The following CCDC181 variants were observed in gnomAD, a reference collection of about 807,000 sequenced individuals.
CCDC181 encodes the protein coiled-coil domain containing 181.
CCDC181 carries 35 observed loss-of-function variants against 58.7 expected under a neutral mutation model. That is an observed-to-expected ratio of 0.60 (90% CI 0.46 to 0.79). CCDC181 has a LOEUF of 0.79. Among genes scored for constraint, CCDC181 ranks in the 30% least tolerant of loss-of-function variants. The probability of loss-of-function intolerance (pLI) is 0.00; values close to 1 mark genes in which losing one functional copy is unlikely to be tolerated. For missense variants in CCDC181, 517 were observed against 583.9 expected, an observed-to-expected ratio of 0.89 and a Z score of 1.18; for synonymous variants, 183 against 197.5, an observed-to-expected ratio of 0.93 and a Z score of 0.62.
intron 2 of CCDC181, among the ~76,000 whole-genome samples, chr1:169,450,030 T>G (rs574752961): frequency 2.6e-5 from 4 of 152,296 alleles, no homozygotes; most frequent in Non-Finnish European, 5.9e-5. Context: ...CCGATTGATA[T>G]GGGGGTGAAG....
At chr1:169,445,340 T>C (rs1026461323) in intron 2 of CCDC181, among the ~76,000 whole-genome samples, 2 of 151,946 alleles carry the variant, frequency 1.3e-5, no homozygotes, top group African/African-American at 4.8e-5. Flanking sequence ...CTGAGAGATT[T>C]TGTCATGAAT....
chr1:169,420,382 C>A (rs552674120), intron 3 of CCDC181, among the ~76,000 whole-genome samples: 1 of 146,820 alleles, frequency 6.8e-6, no homozygotes, highest in Non-Finnish European at 1.5e-5. Context: ...CACGTTCTTA[C>A]GAAGTCATGT....
intron 4 of CCDC181, among the ~76,000 whole-genome samples, chr1:169,408,338 C>A (rs1313650806): frequency 6.6e-6 from 1 of 152,224 alleles, no homozygotes; most frequent in Non-Finnish European, 1.5e-5. Flanking sequence ...GCCAGACTGC[C>A]TCTCTAGATT....
chr1:169,413,261 T>C (rs1203050305), intron 4 of CCDC181, among the ~76,000 whole-genome samples: 1 of 152,118 alleles, frequency 6.6e-6, no homozygotes, highest in African/African-American at 2.4e-5. Flanking sequence ...AATAGACATA[T>C]GAAAGAAAGG....
intron 2 of CCDC181, among the ~76,000 whole-genome samples, chr1:169,453,956 TG>T (rs1367518905): frequency 6.6e-6 from 1 of 152,160 alleles, no homozygotes; most frequent in Admixed American, 6.5e-5. Context: ...CACCAGATAC[TG>T]CCATCTGTAT....
chr1:169,395,001 C>A lies in CCDC181; in HGVS notation c.*46G>T. On this transcript the variant is annotated 3_prime_UTR_variant, in exon 6 of 6. Coordinates refer to ENST00000367806, the MANE Select transcript of CCDC181 (RefSeq NM_001300969.2). ...TACACAGACCCTAAGAAATCATATC[C>A]AAAATTTTGATAGCAGCTGCCCACT... 2 of 1,513,460 alleles carry A rather than the reference C, an allele frequency of 1.3e-6. No individual in the cohort carries two copies. The highest frequency in any genetic ancestry group is 1.8e-6 in the Non-Finnish European group (2 of 1,124,972). 93.8% of individuals were successfully genotyped at this position (1,513,460 alleles called of 1,614,324 possible).
At chr1:169,427,630 C>A (rs1373898046), upstream of CCDC181, among the ~76,000 whole-genome samples, 1 of 152,182 alleles carries the variant, frequency 6.6e-6, no homozygotes, top group East Asian at 1.9e-4. Context: ...CGCGAAGTGC[C>A]GCTGTGTTGG....
In CCDC181 at chr1:169,397,230, AACTT is replaced by A. The variant is rs1655097020; in HGVS notation, c.1370+3_1370+6del. On this transcript the variant is annotated splice_donor_5th_base_variant and intron_variant, in intron 5 of 5. Coordinates refer to ENST00000367806, the MANE Select transcript of CCDC181 (RefSeq NM_001300969.2). ...AGGAGGGGGGAAATGCCCTGCCTTTAACTTACTGTTTAAAGGCCCTTTCCCGGCC... is the reference window on the plus strand; with the variant it reads ...AGGAGGGGGGAAATGCCCTGCCTTTAACTGTTTAAAGGCCCTTTCCCGGCC... 1 of 1,575,376 alleles carries A rather than the reference AACTT, an allele frequency of 6.3e-7. No individual in the cohort carries two copies. The highest frequency in any genetic ancestry group is 8.6e-7 in the Non-Finnish European group (1 of 1,164,078).
intron 2 of CCDC181, among the ~76,000 whole-genome samples, chr1:169,450,481 C>T (rs1657506386): frequency 6.6e-6 from 1 of 152,132 alleles, no homozygotes; most frequent in Non-Finnish European, 1.5e-5. Context: ...TGGTATGTAT[C>T]AGTATTTCAT....
At chr1:169,432,979 A>T (rs903830707) in intron 2 of CCDC181, among the ~76,000 whole-genome samples, 5 of 152,112 alleles carry the variant, frequency 3.3e-5, no homozygotes, top group African/African-American at 1.2e-4. Context: ...ATAGTACTGG[A>T]AGTACAAGCC....
chr1:169,424,173 C>T (rs1656616054), intron 2 of CCDC181, among the ~76,000 whole-genome samples: 1 of 151,810 alleles, frequency 6.6e-6, no homozygotes, highest in Admixed American at 6.6e-5. Context: ...ACATTATACA[C>T]ATGTAAAGAG....
intron 2 of CCDC181, among the ~76,000 whole-genome samples, chr1:169,424,455 T>C: frequency 6.6e-6 from 1 of 151,886 alleles, no homozygotes; most frequent in East Asian, 1.9e-4. Context: ...ACCCCATGAT[T>C]TTACCCAAGT....
Position 169,427,468 on chromosome 1 carries a change from C to CGA in CCDC181, c.-206_-205dup, listed in dbSNP as rs2102107397. 1 of 152,422 alleles carries CGA rather than the reference C, an allele frequency of 6.6e-6. No individual in the cohort carries two copies. The highest frequency in any genetic ancestry group is 2.1e-4 in the South Asian group (1 of 4,824). The allele number at this position is 152,422 out of a possible 1,614,324, so 9.4% of individuals were successfully genotyped here. A position where few individuals can be genotyped will look rare whatever the true frequency, so the allele number is the denominator to read the frequency against. On this transcript the variant is annotated 5_prime_UTR_variant, in exon 1 of 6. Coordinates refer to ENST00000367806, the MANE Select transcript of CCDC181 (RefSeq NM_001300969.2). ...TCCTCCATCCGGGCCTCTCTAACTA[C>CGA]GAGAGCGACAAAAATCTGCGCAGGC...
chr1:169,447,145 C>G (rs1410097255), intron 2 of CCDC181, among the ~76,000 whole-genome samples: 1 of 152,078 alleles, frequency 6.6e-6, no homozygotes, highest in Non-Finnish European at 1.5e-5. Context: ...CAGAGTCTTG[C>G]TCTGTCACCT....
At chr1:169,429,717 T>G (rs1656856794), upstream of CCDC181, among the ~76,000 whole-genome samples, 1 of 152,222 alleles carries the variant, frequency 6.6e-6, no homozygotes, top group Non-Finnish European at 1.5e-5. Context: ...CTTAGTTAGA[T>G]GCATAGTTTG....
intron 2 of CCDC181, among the ~76,000 whole-genome samples, chr1:169,452,956 A>G (rs903189835): frequency 3.9e-5 from 6 of 152,058 alleles, no homozygotes; most frequent in African/African-American, 1.4e-4. Context: ...AGAATTATAC[A>G]TTTCTAGTCA....
intron 1 of CCDC181, among the ~76,000 whole-genome samples, chr1:169,426,007 A>C (rs1656693799): frequency 6.6e-6 from 1 of 152,132 alleles, no homozygotes; most frequent in Non-Finnish European, 1.5e-5. Flanking sequence ...AGTAATTAAA[A>C]ATTTAACAGG....
chr1:169,429,521 T>C (rs1316251666), upstream of CCDC181, among the ~76,000 whole-genome samples: 1 of 152,322 alleles, frequency 6.6e-6, no homozygotes, highest in East Asian at 1.9e-4. Context: ...TGGTATCGTA[T>C]TGAGGTTTTG....
At chr1:169,410,289 CAAAG>C (rs1405996760) in intron 4 of CCDC181, among the ~76,000 whole-genome samples, 42 of 150,338 alleles carry the variant, frequency 2.8e-4, no homozygotes, top group African/African-American at 9.3e-4. Context: ...TCAAAAAAGA[CAAAG>C]AAGGGCATTA....
Sources: allele counts gnomAD v4.1 joint callset (sites outside exome capture counted in the v4.1 genomes callset), GRCh38; gene constraint gnomAD v4.1.1; transcripts MANE v1.5; gene names NCBI Gene and HGNC (gene_info 2026-07-23, HGNC 2026-07-21).